The following MEIS1 variants were observed in gnomAD, a reference collection of about 807,000 sequenced individuals.
MEIS1 encodes the protein Meis homeobox 1.
Under a neutral mutation model 50.8 loss-of-function variants are expected in MEIS1, and 5 were observed. That is an observed-to-expected ratio of 0.10 (90% CI 0.05 to 0.21). The LOEUF (loss-of-function observed/expected upper bound fraction) is 0.21, where lower values mean the gene tolerates loss of function less well. Ranked by LOEUF, MEIS1 falls within the 10% of genes least tolerant of loss-of-function variation. The pLI is 1.00. For synonymous variants in MEIS1, 176 were observed against 179.3 expected, an observed-to-expected ratio of 0.98 and a Z score of 0.15; for missense variants, 318 against 517.3, an observed-to-expected ratio of 0.61 and a Z score of 3.74.
chr2:66,520,069 A>G (rs1674074374), intron 8 of MEIS1, among the ~76,000 whole-genome samples: 1 of 152,094 alleles, frequency 6.6e-6, no homozygotes. Context: ...ATGTCCAGAG[A>G]CCAGCAGGTA....
At chr2:66,490,804 A>G (rs377109594) in intron 7 of MEIS1, among the ~76,000 whole-genome samples, 1 of 152,186 alleles carries the variant, frequency 6.6e-6, no homozygotes, top group Non-Finnish European at 1.5e-5. Flanking sequence ...GGGGATTCTC[A>G]CAGGAACAAA....
intron 9 of MEIS1, 77 bp from the exon 10 acceptor site, chr2:66,567,376 G>A (rs1572910624): frequency 6.8e-7 from 1 of 1,461,392 alleles, no homozygotes; most frequent in Non-Finnish European, 9.4e-7. Context: ...CTCCAACTGC[G>A]ATTCATCTTT....
In MEIS1 at chr2:66,444,874, A is replaced by C. The variant is rs555555375; in HGVS notation, c.630+1826A>C. Among the ~76,000 whole-genome samples the C allele has an allele frequency of 2.0e-5, 3 of 152,372 alleles. No homozygotes were observed. In the South Asian group the frequency reaches 6.2e-4, roughly 32 times the overall value. On this transcript the variant is annotated intron_variant, in intron 6 of 12. Coordinates refer to ENST00000272369, the MANE Select transcript of MEIS1 (RefSeq NM_002398.3). The stretch of plus-strand genomic sequence containing the variant: ...TTACAAGAATCGCTTAGGGGCATGA[A>C]TGAAATCAACACTTTAATTGCCTCC...
intron 1 of MEIS1, 148 bp downstream of exon 1, chr2:66,436,016 C>A: frequency 1.6e-6 from 1 of 606,244 alleles, no homozygotes; most frequent in Non-Finnish European, 2.7e-6. Flanking sequence ...AGGATTTATT[C>A]AATGCATTTG....
chr2:66,487,020 T>C (rs1167469038), intron 7 of MEIS1, among the ~76,000 whole-genome samples: 1 of 152,202 alleles, frequency 6.6e-6, no homozygotes, highest in Non-Finnish European at 1.5e-5. Flanking sequence ...TTTCTAAATA[T>C]ACAATCATGT....
intron 7 of MEIS1, among the ~76,000 whole-genome samples, chr2:66,488,847 T>C (rs1048359651): frequency 3.3e-5 from 5 of 152,216 alleles, no homozygotes; most frequent in African/African-American, 1.2e-4. Flanking sequence ...AAAATCCTTT[T>C]AGTATAACAT....
At chr2:66,556,959 A>C (rs1675082732) in intron 9 of MEIS1, among the ~76,000 whole-genome samples, 1 of 152,180 alleles carries the variant, frequency 6.6e-6, no homozygotes, top group Non-Finnish European at 1.5e-5. Flanking sequence ...GCACATAAGA[A>C]GCATGTCACA....
At chr2:66,445,977 C>G (rs1465483567) in intron 6 of MEIS1, among the ~76,000 whole-genome samples, 2 of 152,198 alleles carry the variant, frequency 1.3e-5, no homozygotes, top group Admixed American at 1.3e-4. Context: ...CGCAAGCCTC[C>G]TGGGCGCCCT....
chr2:66,535,047 G>A (rs543067640), intron 8 of MEIS1, among the ~76,000 whole-genome samples: 52 of 152,082 alleles, frequency 3.4e-4, no homozygotes, highest in Non-Finnish European at 6.6e-4. Context: ...ACAGAGGCTG[G>A]GTCAACTAAC....
At chr2:66,529,766 G>C (rs931115627) in intron 8 of MEIS1, among the ~76,000 whole-genome samples, 1 of 152,178 alleles carries the variant, frequency 6.6e-6, no homozygotes, top group African/African-American at 2.4e-5. Flanking sequence ...TAACAAGAAG[G>C]CATGGTTTTT....
intron 7 of MEIS1, among the ~76,000 whole-genome samples, chr2:66,499,085 C>G (rs12713566): frequency 0.44 from 67,500 of 152,012 alleles, 15,372 homozygotes; most frequent in African/African-American, 0.53. Context: ...CACAAAAGAA[C>G]TGTAGCCTCA....
At chr2:66,456,247 C>G (rs937865835) in intron 6 of MEIS1, among the ~76,000 whole-genome samples, 1 of 151,894 alleles carries the variant, frequency 6.6e-6, no homozygotes, top group Non-Finnish European at 1.5e-5. Context: ...CACACACACA[C>G]ACACACACAC....
chr2:66,503,460 A>C (rs1673605563), intron 7 of MEIS1, among the ~76,000 whole-genome samples: 1 of 152,188 alleles, frequency 6.6e-6, no homozygotes, highest in African/African-American at 2.4e-5. Context: ...AGATCACTCC[A>C]GCCTAAGTGA....
At chr2:66,554,937 A>T (rs546510590) in intron 9 of MEIS1, among the ~76,000 whole-genome samples, 2 of 152,352 alleles carry the variant, frequency 1.3e-5, no homozygotes, top group East Asian at 3.9e-4. Flanking sequence ...TCATTTTAGG[A>T]TTCATAATAA....
chr2:66,530,794 G>A (rs1674373905), intron 8 of MEIS1, among the ~76,000 whole-genome samples: 1 of 152,150 alleles, frequency 6.6e-6, no homozygotes, highest in South Asian at 2.1e-4. Flanking sequence ...ATCATATGTA[G>A]GTTAGTGAAC....
chr2:66,489,741 A>G (rs1429422798), intron 7 of MEIS1, among the ~76,000 whole-genome samples: 3 of 152,234 alleles, frequency 2.0e-5, no homozygotes, highest in African/African-American at 7.2e-5. Flanking sequence ...TTATTGTTTC[A>G]GCAAGGGAAG....
At chr2:66,453,195 A>C (rs1158186256) in intron 6 of MEIS1, among the ~76,000 whole-genome samples, 1 of 151,972 alleles carries the variant, frequency 6.6e-6, no homozygotes, top group East Asian at 1.9e-4. Context: ...AGAACATGCC[A>C]ATAGAAAAAT....
At chr2:66,453,655 T>TA (rs2103718762) in intron 6 of MEIS1, among the ~76,000 whole-genome samples, 1 of 151,990 alleles carries the variant, frequency 6.6e-6, no homozygotes, top group African/African-American at 2.4e-5. Context: ...CAAAATGTTG[T>TA]AAAAAATATA....
intron 7 of MEIS1, among the ~76,000 whole-genome samples, chr2:66,474,489 T>C (rs1270349900): frequency 6.6e-6 from 1 of 152,178 alleles, no homozygotes; most frequent in African/African-American, 2.4e-5. Flanking sequence ...ATAGCACTAA[T>C]TAAGAATAGT....
Sources: gnomAD v4.1 joint callset for allele counts (sites outside exome capture counted in the v4.1 genomes callset) on GRCh38, gnomAD v4.1.1 for gene constraint, MANE v1.5 for transcripts, NCBI Gene and HGNC (gene_info 2026-07-23, HGNC 2026-07-21) for gene names.